The following ACO1 variants were observed in gnomAD, a reference collection of about 807,000 sequenced individuals.
The protein encoded by ACO1 is aconitase 1.
ACO1 carries 78 observed loss-of-function variants against 105.1 expected under a neutral mutation model. The ratio of observed to expected loss-of-function variants is 0.74; its 90% CI spans 0.62 to 0.90. ACO1 has a LOEUF of 0.90. ACO1 is among the 40% of genes least tolerant of loss of function. The pLI is 0.00. For synonymous variants in ACO1, 364 were observed against 397.4 expected, an observed-to-expected ratio of 0.92 and a Z score of 1.00; for missense variants, 965 against 1,111.1, an observed-to-expected ratio of 0.87 and a Z score of 1.87.
Position 32,419,133 on chromosome 9 carries a change from C to T in ACO1, c.754C>T (p.His252Tyr), listed in dbSNP as rs1821915238. The stretch of plus-strand genomic sequence containing the variant: ...TGGCTACAGGCTGATGGGGAAGCCC[C>T]ACCCTCTGGTAACATCCACTGACAT... ...VIGYRLMGKP[H>Y]PLVTSTDIVL... is the part of the protein sequence containing the mutation. The change falls in exon 7 of 21, where the codon CAC becomes TAC. Residue 252 changes from histidine (H) to tyrosine (Y), a missense_variant. By Grantham distance (83) the His-to-Tyr change is moderately conservative. Coordinates refer to ENST00000309951, the MANE Select transcript of ACO1 (RefSeq NM_002197.3). 3.7e-6 allele frequency: 6 copies of T among 1,607,142 alleles called. No individual in the cohort carries two copies. Among genetic ancestry groups the T allele is most frequent in the Non-Finnish European group, 5.1e-6 (6 of 1,176,560 alleles).
At chr9:32,415,446 C>T (rs1219229280) in intron 4 of ACO1, among the ~76,000 whole-genome samples, 1 of 152,016 alleles carries the variant, frequency 6.6e-6, no homozygotes, top group South Asian at 2.1e-4. Context: ...GGAAGAGGAA[C>T]AGATTTAGGA....
intron 4 of ACO1, among the ~76,000 whole-genome samples, chr9:32,410,555 G>A (rs898585044): frequency 1.0e-4 from 15 of 149,736 alleles, no homozygotes; most frequent in East Asian, 4.1e-4. Flanking sequence ...GCAAGACTCC[G>A]TCTCAAAAAA....
intron 4 of ACO1, among the ~76,000 whole-genome samples, chr9:32,413,151 T>C (rs947735633): frequency 2.0e-5 from 3 of 152,156 alleles, no homozygotes; most frequent in African/African-American, 4.8e-5. Context: ...TTGACCTAGA[T>C]TGATAACCAA....
chr9:32,419,735 A>G (rs1821928604), intron 7 of ACO1, among the ~76,000 whole-genome samples: 1 of 152,246 alleles, frequency 6.6e-6, no homozygotes, highest in Non-Finnish European at 1.5e-5. Context: ...ATTATAAGTT[A>G]CATTATTGTA....
chr9:32,420,851 C>T lies in ACO1; in HGVS notation c.799-5C>T. 1 of 1,612,570 alleles carries T rather than the reference C, an allele frequency of 6.2e-7. No homozygotes were observed. Among genetic ancestry groups the T allele is most frequent in the Non-Finnish European group, 8.5e-7 (1 of 1,178,942 alleles). ...TCAAACTTTTCTGTTGTTTCTGCTGCTTAGCACCTCCGCCAGGTTGGGGTA... is the reference window on the plus strand; with the variant it reads ...TCAAACTTTTCTGTTGTTTCTGCTGTTTAGCACCTCCGCCAGGTTGGGGTA... On this transcript the variant is annotated splice_region_variant and splice_polypyrimidine_tract_variant and intron_variant, in intron 7 of 20. Coordinates refer to ENST00000309951, the MANE Select transcript of ACO1 (RefSeq NM_002197.3).
intron 17 of ACO1, chr9:32,435,874 A>G: frequency 5.4e-6 from 2 of 367,312 alleles, no homozygotes; most frequent in East Asian, 7.2e-5. Context: ...GCCTACCCTA[A>G]TTCTTCCCTT....
At chr9:32,409,681 T>G (rs1416653438) in intron 4 of ACO1, among the ~76,000 whole-genome samples, 1 of 151,746 alleles carries the variant, frequency 6.6e-6, no homozygotes, top group African/African-American at 2.4e-5. Context: ...GAAGACCATA[T>G]CTCTACAAAT....
At chr9:32,423,850 G>A (rs544588570) in intron 9 of ACO1, among the ~76,000 whole-genome samples, 30 of 152,086 alleles carry the variant, frequency 2.0e-4, no homozygotes, top group Non-Finnish European at 1.5e-4. Context: ...AGAAATCACC[G>A]CTAAAGAACT....
At chr9:32,433,636 A>G in intron 15 of ACO1, 92 bp from the exon 16 acceptor site, 1 of 933,420 alleles carries the variant, frequency 1.1e-6, no homozygotes, top group South Asian at 1.6e-5. Flanking sequence ...TTCTTAGTGT[A>G]CCTTTTAGCT....
chr9:32,420,776 T>C, intron 7 of ACO1, 80 bp from the exon 8 acceptor site: 1 of 1,461,322 alleles, frequency 6.8e-7, no homozygotes, highest in Non-Finnish European at 9.4e-7. Context: ...GACTAGTTTA[T>C]AAGAAGTGCA....
At chr9:32,420,153 A>T (rs1263557278) in intron 7 of ACO1, among the ~76,000 whole-genome samples, 1 of 152,260 alleles carries the variant, frequency 6.6e-6, no homozygotes, top group Non-Finnish European at 1.5e-5. Flanking sequence ...AACTGGCTTT[A>T]TGCAGAGCTA....
chr9:32,451,143 G>C lies in ACO1; in HGVS notation c.*1032G>C, dbSNP rs900990665. The C allele has an allele frequency of 6.6e-6, 1 of 152,136 alleles. No homozygotes were observed. Among genetic ancestry groups the C allele is most frequent in the African/African-American group, 2.4e-5 (1 of 41,420 alleles). 9.4% of individuals were successfully genotyped at this position (152,136 alleles called of 1,614,324 possible). Reference sequence around the variant, plus strand: ...TTATCTGCTCATTTTTACCCCTGTAGTCATTTCTGGGCATGCCTTAGTTTG... The same window carrying C: ...TTATCTGCTCATTTTTACCCCTGTACTCATTTCTGGGCATGCCTTAGTTTG... On this transcript the variant is annotated 3_prime_UTR_variant, in exon 21 of 21. Transcript: ENST00000309951.
At chr9:32,398,037 G>C (rs72561742) in intron 1 of ACO1, among the ~76,000 whole-genome samples, 2,311 of 152,158 alleles carry the variant, frequency 0.015, 55 homozygotes, top group African/African-American at 0.052. Flanking sequence ...TTCTCATCCT[G>C]TCCAGCCCAC....
intron 19 of ACO1, among the ~76,000 whole-genome samples, chr9:32,441,577 G>C (rs1351827784): frequency 6.7e-6 from 1 of 149,878 alleles, no homozygotes; most frequent in Non-Finnish European, 1.5e-5. Flanking sequence ...GTTGATAGTA[G>C]GTCAAAGGCC....
chr9:32,427,516 G>T, intron 12 of ACO1, 80 bp downstream of exon 12: 3 of 1,560,434 alleles, frequency 1.9e-6, no homozygotes, highest in Non-Finnish European at 8.8e-7. Context: ...CCTTGTAACA[G>T]ATGTGAGATT....
chr9:32,428,510 A>T (rs1164260494), intron 12 of ACO1, among the ~76,000 whole-genome samples: 1 of 150,742 alleles, frequency 6.6e-6, no homozygotes, highest in African/African-American at 2.4e-5. Flanking sequence ...TTTTTTTTTT[A>T]ATAAACAAAA....
rs977017480 is a variant in ACO1, at chr9:32,452,339, G to GTGAT, written c.*2230_*2233dup. 3.3e-5 allele frequency: 5 copies of GTGAT among 152,228 alleles called. No individual in the cohort carries two copies. The highest frequency in any genetic ancestry group is 1.2e-4 in the African/African-American group (5 of 41,444). The allele number at this position is 152,228 out of a possible 1,614,324, so 9.4% of individuals were successfully genotyped here. On this transcript the variant is annotated 3_prime_UTR_variant, in exon 21 of 21. Transcript: ENST00000309951. ...TAATAGAAGCTGGGGCCTTTGGAAG[G>GTGAT]TGATTAGATCATGAGGGTAGTGCCT... is the stretch of plus-strand genomic sequence containing the variant.
intron 1 of ACO1, among the ~76,000 whole-genome samples, chr9:32,400,370 TG>T (rs1161333792): frequency 1.4e-5 from 2 of 142,936 alleles, no homozygotes; most frequent in African/African-American, 5.0e-5. Flanking sequence ...GAAAGGGAGC[TG>T]GGGATGGGGT....
rs556023684 is a variant in ACO1 at position 32,453,780 on chromosome 9, C to G, written c.*3669C>G. 3 of 152,338 alleles carry G rather than the reference C, an allele frequency of 2.0e-5. No individual in the cohort carries two copies. The East Asian group carries it at 5.8e-4, about 29-fold the overall frequency. 9.4% of individuals were successfully genotyped at this position (152,338 alleles called of 1,614,324 possible). On this transcript the variant is annotated 3_prime_UTR_variant, in exon 21 of 21. Transcript: ENST00000309951. Reference sequence around the variant, plus strand: ...AAAACAGTAGCCAAGGTTCTACTGGCTGCCTTCTTAGGACATTATTAAATA... The same window carrying G: ...AAAACAGTAGCCAAGGTTCTACTGGGTGCCTTCTTAGGACATTATTAAATA...
Sources: allele counts gnomAD v4.1 joint callset (sites outside exome capture counted in the v4.1 genomes callset), GRCh38; gene constraint gnomAD v4.1.1; transcripts MANE v1.5; gene names NCBI Gene and HGNC (gene_info 2026-07-23, HGNC 2026-07-21).